Variants in GCC2 observed in about 807,000 individuals in gnomAD.
GCC2 encodes the protein GRIP and coiled-coil domain-containing protein 2.
In GCC2, 120 loss-of-function variants were observed where a neutral mutation model predicts 210.6. That is an observed-to-expected ratio of 0.57 (90% CI 0.49 to 0.66). The LOEUF (loss-of-function observed/expected upper bound fraction) is 0.66. Among genes scored for constraint, GCC2 ranks in the 30% least tolerant of loss-of-function variants. The pLI is 0.00. For missense variants in GCC2, 1,868 were observed against 1,871.9 expected, an observed-to-expected ratio of 1.00 and a Z score of 0.04; for synonymous variants, 703 against 652.7, an observed-to-expected ratio of 1.08 and a Z score of -1.17.
intron 4 of GCC2, among the ~76,000 whole-genome samples, chr2:108,453,470 G>A (rs1680069978): frequency 6.6e-6 from 1 of 151,960 alleles, no homozygotes; most frequent in South Asian, 2.1e-4. Flanking sequence ...ACAAAATATT[G>A]TTTTTATTCC....
At chr2:108,482,985 ATTTATT>A in intron 11 of GCC2, 71 bp from the exon 12 acceptor site, 1 of 783,348 alleles carries the variant, frequency 1.3e-6, no homozygotes, top group Non-Finnish European at 2.2e-6. Context: ...CGGCCGTCAG[ATTTATT>A]TTAAAGCCCC....
Position 108,489,959 on chromosome 2 carries a change from A to T in GCC2, c.4174A>T (p.Arg1392Trp). 1 of 1,611,884 alleles carries T rather than the reference A, an allele frequency of 6.2e-7. No individual in the cohort carries two copies. Residue 1392 changes from arginine to tryptophan, a missense_variant, in exon 18 of 23, where the codon AGG becomes TGG. Physicochemically the swap from Arg to Trp is moderately radical, Grantham distance 101 (BLOSUM62 -3). Coordinates refer to ENST00000309863, the MANE Select transcript of GCC2 (RefSeq NM_181453.4). ...GTCTGAACATGATACACTGCTAGAAAGGCACAACAAGATGCTGCAGGAAAC... is the reference window on the plus strand; with the variant it reads ...GTCTGAACATGATACACTGCTAGAATGGCACAACAAGATGCTGCAGGAAAC... ...LQSEHDTLLE[R>W]HNKMLQETVS...
At chr2:108,479,157 C>T (rs2254258) in intron 9 of GCC2, among the ~76,000 whole-genome samples, 33,991 of 151,706 alleles carry the variant, frequency 0.22, 4,206 homozygotes, top group African/African-American at 0.32. Flanking sequence ...AGCGAGACAA[C>T]GTCTCAAAAA....
intron 18 of GCC2, 89 bp downstream of exon 18, chr2:108,490,103 C>A: frequency 2.2e-6 from 2 of 919,542 alleles, no homozygotes; most frequent in Non-Finnish European, 3.1e-6. Context: ...GAGATAAATG[C>A]AGATTAGAAA....
chr2:108,480,179 C>G (rs1344827967), intron 9 of GCC2, among the ~76,000 whole-genome samples: 1 of 152,006 alleles, frequency 6.6e-6, no homozygotes, highest in Non-Finnish European at 1.5e-5. Flanking sequence ...AAAACATAAA[C>G]AGTGTGCTAG....
intron 4 of GCC2, among the ~76,000 whole-genome samples, chr2:108,463,467 A>G (rs1680711551): frequency 6.6e-6 from 1 of 152,134 alleles, no homozygotes; most frequent in Non-Finnish European, 1.5e-5. Flanking sequence ...TTTGGCTGTA[A>G]ACAGCATCAG....
At position 108,471,910 on chromosome 2, in the gene GCC2, C is replaced by A. The variant is rs1005083150; in HGVS notation, c.2581C>A (p.Leu861Ile). Reference sequence around the variant, plus strand: ...AGAAAAAGAGGCCCTGCAGTCTGATCTTCTAGAAATGAAGAATGCTAATGA... The same window carrying A: ...AGAAAAAGAGGCCCTGCAGTCTGATATTCTAGAAATGAAGAATGCTAATGA... ...QSEKEALQSD[L>I]LEMKNANEKT... Residue 861 changes from leucine (L) to isoleucine (I), a missense_variant, in exon 6 of 23, where the codon CTT (leucine) becomes ATT (isoleucine). Physicochemically the swap from Leu to Ile is conservative, Grantham distance 5. Coordinates refer to ENST00000309863, the MANE Select transcript of GCC2 (RefSeq NM_181453.4). 1 of 1,601,318 alleles carries A rather than the reference C, an allele frequency of 6.2e-7. No individual in the cohort carries two copies. Among genetic ancestry groups the A allele is most frequent in the Non-Finnish European group, 8.5e-7 (1 of 1,176,050 alleles).
chr2:108,484,108 G>A, intron 12 of GCC2, 41 bp from the exon 13 acceptor site: 1 of 1,394,348 alleles, frequency 7.2e-7, no homozygotes, highest in Non-Finnish European at 9.8e-7. Context: ...CAAATGAACT[G>A]ATCTACTATT....
rs764900269 is a variant in GCC2 at position 108,471,670 on chromosome 2, A to G, written c.2341A>G (p.Asn781Asp). Residue 781 changes from asparagine to aspartate, a missense_variant, in exon 6 of 23, where the codon AAT becomes GAT. Asn to Asp is a conservative substitution (Grantham distance 23). Transcript: ENST00000309863. ...SEDSEEKDVV[N>D]VLQAVGESLA... ...AGACAGTGAAGAGAAAGATGTTGTT[A>G]ATGTCCTACAGGCAGTCGGTGAATC... 11 of 1,613,370 alleles carry G rather than the reference A, an allele frequency of 6.8e-6. No individual in the cohort carries two copies. Among genetic ancestry groups the G allele is most frequent in the Non-Finnish European group, 9.3e-6 (11 of 1,179,488 alleles).
At chr2:108,507,410 C>CCA in intron 22 of GCC2, 150 bp from the exon 23 acceptor site, 1 of 363,946 alleles carries the variant, frequency 2.7e-6, no homozygotes, top group South Asian at 2.5e-5. Flanking sequence ...AAAGAACCCC[C>CCA]CCCCCCAAAA....
intron 21 of GCC2, among the ~76,000 whole-genome samples, chr2:108,498,213 T>TGA (rs1296398074): frequency 8.0e-6 from 1 of 125,636 alleles, no homozygotes; most frequent in Admixed American, 8.2e-5. Flanking sequence ...TTTTTTTTTT[T>TGA]GAGATAGAGT....
In GCC2 at chr2:108,485,707, A is replaced by G; in HGVS notation, c.3685A>G (p.Lys1229Glu). ...AATCAAGCAATTGCTTGTGAAAACC[A>G]AAAAGGAACTGGCAGATTCAAAGCA... ...TKIKQLLVKTKKELADSKQAE... is the reference protein window; with the variant it reads ...TKIKQLLVKTEKELADSKQAE... Residue 1229 changes from lysine (K) to glutamate (E), a missense_variant, in exon 14 of 23, where the codon AAA becomes GAA. Coordinates refer to ENST00000309863, the MANE Select transcript of GCC2 (RefSeq NM_181453.4). The G allele has an allele frequency of 6.3e-7, 1 of 1,597,218 alleles. No individual in the cohort carries two copies. The highest frequency in any genetic ancestry group is 8.5e-7 in the Non-Finnish European group (1 of 1,171,606).
chr2:108,482,206 C>A, intron 10 of GCC2, 81 bp from the exon 11 acceptor site: 1 of 775,334 alleles, frequency 1.3e-6, no homozygotes, highest in Non-Finnish European at 2.1e-6. Context: ...TGCCAATATT[C>A]TCATTAATGT....
chr2:108,473,995 T>TA lies in GCC2; in HGVS notation c.2860+1096_2860+1097insA, dbSNP rs780983172. 1.0e-4 allele frequency among the ~76,000 whole-genome samples: 12 copies of TA among 118,846 alleles called. No individual in the cohort carries two copies. The Middle Eastern group carries it at 0.016, about 156-fold the overall frequency. 78.0% of individuals were successfully genotyped at this position (118,846 alleles called of 152,430 possible). A position where few individuals can be genotyped will look rare whatever the true frequency, so the allele number is the denominator to read the frequency against. On this transcript the variant is annotated intron_variant, in intron 7 of 22. Transcript: ENST00000309863. ...GGTGAAACCCTGTCTCTACTAAAAA[T>TA]CAAAAAAAAAAAATTAGCCGGGCGT...
chr2:108,471,767 AAG>A lies in GCC2; in HGVS notation c.2442_2443del (p.Glu814AspfsTer2). On this transcript the variant is annotated frameshift_variant, in exon 6 of 23. Coordinates refer to ENST00000309863, the MANE Select transcript of GCC2 (RefSeq NM_181453.4). LOFTEE classifies it high-confidence loss of function. ...GATGAAAAAGTATTAGAGTTAGAAAAAGAGATTAAGTGCCTTCAAGAAGAGAG... is the reference window on the plus strand; with the variant it reads ...GATGAAAAAGTATTAGAGTTAGAAAAAGATTAAGTGCCTTCAAGAAGAGAG... The A allele has an allele frequency of 1.2e-6, 2 of 1,613,390 alleles. No individual in the cohort carries two copies. The highest frequency in any genetic ancestry group is 1.7e-6 in the Non-Finnish European group (2 of 1,179,654).
intron 4 of GCC2, among the ~76,000 whole-genome samples, chr2:108,457,428 G>A (rs745663086): frequency 3.3e-5 from 5 of 152,010 alleles, no homozygotes; most frequent in African/African-American, 4.8e-5. Flanking sequence ...GAATGATGCC[G>A]CCGCTTTATT....
chr2:108,449,618 G>C lies in GCC2; in HGVS notation c.7-15G>C, dbSNP rs368775555. 1.4e-5 allele frequency: 23 copies of C among 1,612,390 alleles called. No individual in the cohort carries two copies. In the East Asian group the frequency reaches 4.2e-4, roughly 30 times the overall value. ...AAGAGTTCTTCTGACACCTGGGTTT[G>C]ATTTTGTTTTGCAGGATCTTGTTCA... On this transcript the variant is annotated splice_polypyrimidine_tract_variant and intron_variant, in intron 1 of 22. Coordinates refer to ENST00000309863, the MANE Select transcript of GCC2 (RefSeq NM_181453.4).
At chr2:108,485,431 G>A (rs1184536853) in intron 13 of GCC2, among the ~76,000 whole-genome samples, 2 of 152,102 alleles carry the variant, frequency 1.3e-5, no homozygotes, top group East Asian at 1.9e-4. Context: ...ATTGTCTATG[G>A]GTTGTAATTG....
intron 22 of GCC2, among the ~76,000 whole-genome samples, chr2:108,504,987 G>A (rs1198830606): frequency 6.6e-6 from 1 of 152,148 alleles, no homozygotes; most frequent in African/African-American, 2.4e-5. Context: ...TGCCTGATTT[G>A]ATTTGCTGAG....
Sources: gnomAD v4.1 joint callset for allele counts (sites outside exome capture counted in the v4.1 genomes callset) on GRCh38, gnomAD v4.1.1 for gene constraint, MANE v1.5 for transcripts, NCBI Gene and HGNC (gene_info 2026-07-23, HGNC 2026-07-21) for gene names.